The following WFS1 variants were observed in gnomAD, a reference collection of about 807,000 sequenced individuals.
WFS1 encodes the protein wolframin.
In WFS1, 90 loss-of-function variants were observed where a neutral mutation model predicts 68.5. The observed-to-expected ratio is 1.31, with a 90% confidence interval of 1.11 to 1.56. The LOEUF is 1.56. Ranked by LOEUF, WFS1 falls within the 40% of genes most tolerant of loss-of-function variation. The pLI is 0.00. For synonymous variants in WFS1, 860 were observed against 540.7 expected (o/e 1.59, Z -8.19); for missense variants, 1,767 against 1,232.6 (o/e 1.43, Z -6.49).
In WFS1 at chr4:6,287,027, C is replaced by T. The variant is rs1265818428; in HGVS notation, c.233-66C>T. 3.5e-5 allele frequency: 50 copies of T among 1,425,298 alleles called. No homozygotes were observed. Among genetic ancestry groups the T allele is most frequent in the South Asian group, 1.2e-5 (1 of 81,446 alleles). The allele number at this position is 1,425,298 out of a possible 1,614,324, so 88.3% of individuals were successfully genotyped here. ...ATCTGAAGACCCTCATGCCTTGTCC[C>T]CTCCATCCTGACAAGTGACAAAGTC... On this transcript the variant is annotated intron_variant, in intron 2 of 7. Transcript: ENST00000226760. This position sits in a 1 kb window ranked among gnomAD's most constrained non-coding sequence, Gnocchi z 6.4.
At position 6,287,206 on chromosome 4, in the gene WFS1, G is replaced by A. The variant is rs1230301680; in HGVS notation, c.315+31G>A. ...GACTGCGGTGCCGGCAGGGACTTCGGGACGCGGCCCCCGGCACAACAGGCC... is the reference window on the plus strand; with the variant it reads ...GACTGCGGTGCCGGCAGGGACTTCGAGACGCGGCCCCCGGCACAACAGGCC... On this transcript the variant is annotated intron_variant, in intron 3 of 7. Coordinates refer to ENST00000226760, the MANE Select transcript of WFS1 (RefSeq NM_006005.3). The surrounding 1 kb of genome is among the most constrained non-coding windows in gnomAD (Gnocchi z 6.4). The A allele has an allele frequency of 8.4e-6, 13 of 1,541,868 alleles. No homozygotes were observed. The highest frequency in any genetic ancestry group is 1.1e-5 in the Non-Finnish European group (13 of 1,139,286).
chr4:6,289,265 C>A, intron 4 of WFS1, 134 bp downstream of exon 4: 4 of 1,254,288 alleles, frequency 3.2e-6, no homozygotes, highest in South Asian at 1.5e-5. Context: ...TTCTGTTTTG[C>A]TGGTGGCCTT....
At chr4:6,295,328 C>G (rs763468481) in intron 7 of WFS1, 139 bp downstream of exon 7, 1 of 1,023,626 alleles carries the variant, frequency 9.8e-7, no homozygotes, top group African/African-American at 1.6e-5. Flanking sequence ...CCGCTGGTAC[C>G]TTTGGGTCAT....
rs1730863072 is a variant in WFS1, at chr4:6,300,896, C to G, written c.1101C>G (p.Asp367Glu). Residue 367 changes from aspartate to glutamate, a missense_variant, in exon 8 of 8, where the codon GAC becomes GAG. Physicochemically the swap from Asp to Glu is conservative, Grantham distance 45. Transcript: ENST00000226760. ...MVICTLKVFQ[D>E]SKAWENFRTL... ...TCTGCACCCTCAAGGTGTTCCAGGA[C>G]AGCAAGGCCTGGGAGAACTTCCGCA... The G allele has an allele frequency of 3.1e-6, 5 of 1,614,084 alleles. No homozygotes were observed. In the Admixed American group the frequency reaches 5.0e-5, roughly 16 times the overall value.
chr4:6,276,251 C>G (rs567280730), intron 1 of WFS1, among the ~76,000 whole-genome samples: 3 of 152,202 alleles, frequency 2.0e-5, no homozygotes, highest in Admixed American at 2.0e-4. Flanking sequence ...AGGGCCCATC[C>G]GGGTCCGGGG....
rs1181134522 is a variant in WFS1, at chr4:6,301,244, C to G, written c.1449C>G (p.Val483=). The G allele has an allele frequency of 2.5e-6, 4 of 1,611,586 alleles. No homozygotes were observed. Among genetic ancestry groups the G allele is most frequent in the Non-Finnish European group, 3.4e-6 (4 of 1,180,026 alleles). The change falls in exon 8 of 8, where the codon GTC becomes GTG. Residue 483 remains valine (V), a synonymous_variant. Coordinates refer to ENST00000226760, the MANE Select transcript of WFS1 (RefSeq NM_006005.3). The part of the protein sequence containing the change: ...SMPLNWPYLK[V]LGQTFITVPV... ...CCTTGAATTGGCCCTACCTGAAGGT[C>G]CTTGGCCAGACCTTCATCACCGTGC...
rs148953711 is a variant in WFS1, at chr4:6,291,241, G to A, written c.505G>A (p.Glu169Lys). Residue 169 changes from glutamate (E) to lysine (K), a missense_variant, in exon 5 of 8, where the codon GAG (glutamate) becomes AAG (lysine). By Grantham distance (56) the Glu-to-Lys change is moderately conservative. Coordinates refer to ENST00000226760, the MANE Select transcript of WFS1 (RefSeq NM_006005.3). ...ACGGGAGGTGAGGCAGCTCTCCTCC[G>A]AGACCGACCTGGAGAGGGCCGTGCG... Reference protein sequence around the residue: ...NEREVRQLSSETDLERAVRKA... With the variant: ...NEREVRQLSSKTDLERAVRKA... 5.0e-5 allele frequency: 80 copies of A among 1,612,966 alleles called. No individual in the cohort carries two copies. Among genetic ancestry groups the A allele is most frequent in the Non-Finnish European group, 5.9e-5 (70 of 1,180,034 alleles).
Position 6,302,034 on chromosome 4 carries a change from A to G in WFS1, c.2239A>G (p.Thr747Ala). 6.2e-7 allele frequency: 1 copy of G among 1,612,604 alleles called. No individual in the cohort carries two copies. Among genetic ancestry groups the G allele is most frequent in the Middle Eastern group, 1.7e-4 (1 of 6,060 alleles). The change falls in exon 8 of 8, where the codon ACC (threonine) becomes GCC (alanine). Residue 747 changes from threonine (T) to alanine (A), a missense_variant. Transcript: ENST00000226760. The part of the protein sequence containing the change: ...EAYPACSPGN[T>A]STAEEELCRL... ...CTACCCTGCCTGCAGCCCTGGCAAC[A>G]CCTCCACGGCCGAGGAGGAGCTCTG...
chr4:6,285,306 A>G (rs3821942), intron 2 of WFS1, among the ~76,000 whole-genome samples: 15,205 of 146,532 alleles, frequency 0.1, 973 homozygotes, highest in East Asian at 0.32. Context: ...AGGAGCCTCT[A>G]GGGAGGGGTA....
chr4:6,272,630 T>G lies in WFS1; in HGVS notation c.-6+2616T>G, dbSNP rs115610038. 6.1e-3 allele frequency among the ~76,000 whole-genome samples: 923 copies of G among 152,320 alleles called. 9 individuals are homozygous for G. The highest frequency in any genetic ancestry group is 0.021 in the African/African-American group (893 of 41,554). On this transcript the variant is annotated intron_variant, in intron 1 of 7. Transcript: ENST00000226760. Reference sequence around the variant, plus strand: ...GGTTTTAAAATAACATTTGCTTTAATTTCAAAAACATCACACATTCATTAT... The same window carrying G: ...GGTTTTAAAATAACATTTGCTTTAAGTTCAAAAACATCACACATTCATTAT...
intron 2 of WFS1, 83 bp downstream of exon 2, chr4:6,277,770 T>TC: frequency 2.7e-6 from 4 of 1,464,326 alleles, no homozygotes; most frequent in East Asian, 2.5e-5. Flanking sequence ...CCCTGGAGGG[T>TC]CCCCCCGCCA....
intron 7 of WFS1, among the ~76,000 whole-genome samples, chr4:6,298,321 A>C (rs571441859): frequency 6.6e-6 from 1 of 152,184 alleles, no homozygotes; most frequent in African/African-American, 2.4e-5. Context: ...TGGTTTTCAT[A>C]AATGCCCTCT....
At chr4:6,294,701 C>T in intron 6 of WFS1, 1 of 368,186 alleles carries the variant, frequency 2.7e-6, no homozygotes, top group Admixed American at 3.8e-5. Flanking sequence ...ACTGGAGGTG[C>T]ATGTTGTAAG....
At position 6,277,899 on chromosome 4, in the gene WFS1, G is replaced by T. The variant is rs562638814; in HGVS notation, c.232+212G>T. Among the ~76,000 whole-genome samples the T allele has an allele frequency of 2.0e-5, 3 of 152,252 alleles. No homozygotes were observed. In the East Asian group the frequency reaches 5.8e-4, roughly 29 times the overall value. ...ACCTTTGTGGCACCCACTCGAGGTG[G>T]TGCTGGTGCCCCCACTCCTCTGCAG... On this transcript the variant is annotated intron_variant, in intron 2 of 7. Transcript: ENST00000226760.
intron 2 of WFS1, among the ~76,000 whole-genome samples, chr4:6,280,889 C>T (rs1451633419): frequency 1.3e-5 from 2 of 152,118 alleles, no homozygotes; most frequent in South Asian, 4.1e-4. Context: ...CCGAGTCGTA[C>T]CCGCCACTCC....
intron 7 of WFS1, among the ~76,000 whole-genome samples, chr4:6,297,711 G>A (rs1421557239): frequency 6.6e-6 from 1 of 152,162 alleles, no homozygotes; most frequent in East Asian, 1.9e-4. Context: ...GCTCTGCAGT[G>A]TTCTATTCAT....
chr4:6,302,451 T>TA lies in WFS1; in HGVS notation c.2656_2657insA (p.Phe886TyrfsTer54). 6.2e-7 allele frequency: 1 copy of TA among 1,613,006 alleles called. No homozygotes were observed. Among genetic ancestry groups the TA allele is most frequent in the Non-Finnish European group, 8.5e-7 (1 of 1,180,040 alleles). On this transcript the variant is annotated frameshift_variant, in exon 8 of 8. Coordinates refer to ENST00000226760, the MANE Select transcript of WFS1 (RefSeq NM_006005.3). LOFTEE classifies it high-confidence loss of function. ...CGCCTTCGACTTCTTTTTCTTCCCATTCCTGTCGGCGGCCTGAGGATGGTC... is the reference window on the plus strand; with the variant it reads ...CGCCTTCGACTTCTTTTTCTTCCCATATCCTGTCGGCGGCCTGAGGATGGTC...
In WFS1 at chr4:6,301,736, CTGGTTCTAT is replaced by C; in HGVS notation, c.1942_1950del (p.Trp648_Tyr650del). 2 of 1,613,996 alleles carry C rather than the reference CTGGTTCTAT, an allele frequency of 1.2e-6. No individual in the cohort carries two copies. On this transcript the variant is annotated inframe_deletion, in exon 8 of 8. Transcript: ENST00000226760. ...GGCTCACGGCCATCGTGCTGTTCTG[CTGGTTCTAT>C]GTGTACCGCTCAGAGGGCATGAAGG... is the stretch of plus-strand genomic sequence containing the variant.
chr4:6,295,949 G>A lies in WFS1; in HGVS notation c.861+760G>A, dbSNP rs538927343. On this transcript the variant is annotated intron_variant, in intron 7 of 7. Transcript: ENST00000226760. ...AGGATTTCCAGAAGCTTGGCCTCCT[G>A]ACCCAGGATCCCCAAGCTGAGGCCA... Among the ~76,000 whole-genome samples, 31 of 152,324 alleles carry A rather than the reference G, an allele frequency of 2.0e-4. No homozygotes were observed. The East Asian group carries it at 6.0e-3, about 29-fold the overall frequency.
Sources: gnomAD v4.1 joint callset for allele counts (sites outside exome capture counted in the v4.1 genomes callset) on GRCh38, gnomAD v4.1.1 for gene constraint, Gnocchi (gnomAD v3.1) non-coding constraint, MANE v1.5 for transcripts, NCBI Gene and HGNC (gene_info 2026-07-23, HGNC 2026-07-21) for gene names.